The following VWA8 variants were observed in gnomAD, a reference collection of about 807,000 sequenced individuals.
VWA8 encodes the protein von Willebrand factor A domain-containing protein 8.
A neutral mutation model predicts 241.5 loss-of-function variants in VWA8; 221 were observed. The observed-to-expected ratio is 0.91, with a 90% CI of 0.82 to 1.02. The LOEUF is 1.02. VWA8 is among the 50% of genes least tolerant of loss of function. VWA8 has a pLI of 0.00. For missense variants in VWA8, 2,322 were observed against 2,328.7 expected, an observed-to-expected ratio of 1.00 and a Z score of 0.06; for synonymous variants, 852 against 827.1, an observed-to-expected ratio of 1.03 and a Z score of -0.52.
chr13:41,846,128 T>C (rs1032463173), intron 12 of VWA8, among the ~76,000 whole-genome samples: 3 of 152,040 alleles, frequency 2.0e-5, no homozygotes, highest in African/African-American at 7.2e-5. Flanking sequence ...TACCACAGTG[T>C]TGAATTCCTG....
At chr13:41,789,805 TAA>T (rs1367515562) in intron 17 of VWA8, among the ~76,000 whole-genome samples, 2 of 152,190 alleles carry the variant, frequency 1.3e-5, no homozygotes, top group Non-Finnish European at 2.9e-5. Flanking sequence ...ATTCAGAATG[TAA>T]TTGATTAATT....
chr13:41,683,800 G>A (rs1331847978), intron 35 of VWA8, among the ~76,000 whole-genome samples: 1 of 152,128 alleles, frequency 6.6e-6, no homozygotes, highest in East Asian at 1.9e-4. Flanking sequence ...TTGCAAGGCT[G>A]TATATCAGGA....
At chr13:41,791,858 C>A (rs1201133125) in intron 17 of VWA8, among the ~76,000 whole-genome samples, 2 of 151,808 alleles carry the variant, frequency 1.3e-5, no homozygotes, top group African/African-American at 4.8e-5. Context: ...CCTGTATATA[C>A]CTCCTTATAT....
intron 2 of VWA8, chr13:41,926,683 T>A: frequency 1.9e-6 from 1 of 540,484 alleles, no homozygotes; most frequent in Non-Finnish European, 3.8e-6. Flanking sequence ...TTACAGGCAG[T>A]TACAAGGTCA....
intron 42 of VWA8, among the ~76,000 whole-genome samples, chr13:41,586,271 G>T (rs777342797): frequency 6.6e-6 from 1 of 152,166 alleles, no homozygotes; most frequent in Non-Finnish European, 1.5e-5. Flanking sequence ...AGTTGTCATA[G>T]CTGGTCTTTG....
At chr13:41,703,522 T>C in intron 26 of VWA8, 111 bp from the exon 27 acceptor site, 1 of 841,056 alleles carries the variant, frequency 1.2e-6, no homozygotes, top group South Asian at 1.6e-5. Flanking sequence ...AGTGCTTTAC[T>C]TAGAAGTGAG....
At position 41,698,491 on chromosome 13, in the gene VWA8, T is replaced by C. The variant is rs564584325; in HGVS notation, c.3564+580A>G. Among the ~76,000 whole-genome samples the C allele has an allele frequency of 1.4e-4, 21 of 152,236 alleles. 1 individual carries two copies. In the Middle Eastern group the frequency reaches 0.017, roughly 123 times the overall value. On this transcript the variant is annotated intron_variant, in intron 29 of 44. Transcript: ENST00000379310. ...AGTACAATCTTAGTGTACTAATCCA[T>C]AGTAAATGACGGATAGAACTTGAGC... is the stretch of plus-strand genomic sequence containing the variant.
At chr13:41,622,621 C>A (rs190424959) in intron 37 of VWA8, among the ~76,000 whole-genome samples, 10 of 152,114 alleles carry the variant, frequency 6.6e-5, no homozygotes, top group African/African-American at 2.2e-4. Flanking sequence ...GTGCTATAAT[C>A]GTAAGAATCA....
intron 41 of VWA8, among the ~76,000 whole-genome samples, chr13:41,588,171 G>A (rs1401350430): frequency 6.6e-6 from 1 of 152,208 alleles, no homozygotes; most frequent in Non-Finnish European, 1.5e-5. Context: ...ACAAAGTTAT[G>A]TGATGGGGGT....
At chr13:41,841,717 G>C (rs1214754439) in intron 12 of VWA8, among the ~76,000 whole-genome samples, 2 of 141,382 alleles carry the variant, frequency 1.4e-5, no homozygotes, top group Non-Finnish European at 3.0e-5. Context: ...CCAAGGAGGC[G>C]GAGCTTGCAG....
intron 21 of VWA8, among the ~76,000 whole-genome samples, chr13:41,737,816 T>C (rs1286057050): frequency 6.6e-6 from 1 of 152,156 alleles, no homozygotes; most frequent in Non-Finnish European, 1.5e-5. Context: ...ATACATTTTT[T>C]TTCCCCACAC....
At chr13:41,697,122 A>G (rs1445385391) in intron 29 of VWA8, among the ~76,000 whole-genome samples, 2 of 152,174 alleles carry the variant, frequency 1.3e-5, no homozygotes, top group Non-Finnish European at 2.9e-5. Flanking sequence ...TGGCAACTTC[A>G]AGTTGCTCAG....
intron 37 of VWA8, among the ~76,000 whole-genome samples, chr13:41,643,961 G>GT (rs1288840531): frequency 2.6e-5 from 4 of 152,016 alleles, no homozygotes; most frequent in Non-Finnish European, 4.4e-5. Context: ...TTTGGCAAGT[G>GT]TATCTCTTAA....
chr13:41,729,640 T>G lies in VWA8; in HGVS notation c.2540A>C (p.Asp847Ala). 2 of 1,613,074 alleles carry G rather than the reference T, an allele frequency of 1.2e-6. No individual in the cohort carries two copies. Among genetic ancestry groups the G allele is most frequent in the Middle Eastern group, 3.3e-4 (2 of 6,056 alleles). Residue 847 changes from aspartate (D) to alanine (A), a missense_variant, in exon 23 of 45, where the codon GAT becomes GCT. Coordinates refer to ENST00000379310, the MANE Select transcript of VWA8 (RefSeq NM_015058.2). ...AVKLGHILVV[D>A]EADKAPTNVT... ...ATTTGTTGGAGCTTTGTCAGCCTCA[T>G]CTACTACCAGAATATGACCCAACTT...
At chr13:41,658,506 C>T (rs918037319) in intron 37 of VWA8, among the ~76,000 whole-genome samples, 2 of 152,208 alleles carry the variant, frequency 1.3e-5, no homozygotes, top group African/African-American at 4.8e-5. Context: ...TCACGATTAC[C>T]TCACACAGCA....
At chr13:41,960,782 G>A in intron 1 of VWA8, 71 bp downstream of exon 1, 2 of 1,458,112 alleles carry the variant, frequency 1.4e-6, no homozygotes, top group Non-Finnish European at 9.0e-7. Context: ...AGAGAGGAGG[G>A]GCGGGGGCGC....
At chr13:41,914,984 T>C (rs1876183606) in intron 2 of VWA8, among the ~76,000 whole-genome samples, 1 of 152,210 alleles carries the variant, frequency 6.6e-6, no homozygotes, top group Non-Finnish European at 1.5e-5. Context: ...ATTTTCAAGA[T>C]TTTTTAAAAT....
intron 43 of VWA8, among the ~76,000 whole-genome samples, chr13:41,571,289 CTCTCCCG>C (rs1566370759): frequency 1.3e-5 from 2 of 150,444 alleles, no homozygotes; most frequent in African/African-American, 4.9e-5. Flanking sequence ...TCCCGTCTCC[CTCTCCCG>C]TCTCCCTCTC....
intron 15 of VWA8, among the ~76,000 whole-genome samples, 165 bp from the exon 16 acceptor site, chr13:41,816,940 A>G (rs1870723011): frequency 6.6e-6 from 1 of 152,294 alleles, no homozygotes; most frequent in East Asian, 1.9e-4. Flanking sequence ...TGCTTATTCA[A>G]CCTCTTAGGA....
Sources: gnomAD v4.1 joint callset for allele counts (sites outside exome capture counted in the v4.1 genomes callset) on GRCh38, gnomAD v4.1.1 for gene constraint, MANE v1.5 for transcripts, NCBI Gene and HGNC (gene_info 2026-07-23, HGNC 2026-07-21) for gene names.